The following RBM19 variants were observed in gnomAD, a reference collection of about 807,000 sequenced individuals.
RBM19 encodes RNA binding motif protein 19.
In RBM19, 94 loss-of-function variants were observed where a neutral mutation model predicts 116.8. The ratio of observed to expected loss-of-function variants is 0.80; its 90% confidence interval spans 0.68 to 0.95. The LOEUF is 0.95. RBM19 is among the 40% of genes least tolerant of loss of function. The pLI is 0.00. For missense variants in RBM19, 1,161 were observed against 1,220.7 expected (o/e 0.95, Z 0.73); for synonymous variants, 475 against 494.1 (o/e 0.96, Z 0.51).
At chr12:113,929,034 C>A (rs1869373615) in intron 16 of RBM19, among the ~76,000 whole-genome samples, 1 of 152,136 alleles carries the variant, frequency 6.6e-6, no homozygotes, top group Non-Finnish European at 1.5e-5. Context: ...AGAGTTAAAC[C>A]CTGCACCCCA....
At chr12:113,964,724 T>C (rs555582028) in intron 1 of RBM19, among the ~76,000 whole-genome samples, 1 of 152,238 alleles carries the variant, frequency 6.6e-6, no homozygotes, top group African/African-American at 2.4e-5. Flanking sequence ...AGATAGTCAC[T>C]GGGGCAGGCA....
At chr12:113,872,594 G>A (rs1229409110) in intron 21 of RBM19, among the ~76,000 whole-genome samples, 2 of 104,552 alleles carry the variant, frequency 1.9e-5, no homozygotes, top group Non-Finnish European at 4.2e-5. Flanking sequence ...CCCCCTGCCC[G>A]GCCAGCCGCC....
intron 21 of RBM19, among the ~76,000 whole-genome samples, chr12:113,880,280 C>G (rs1880009074): frequency 6.6e-6 from 1 of 151,244 alleles, no homozygotes; most frequent in Admixed American, 6.6e-5. Context: ...TGCTCTGATA[C>G]CCCCTGAAGT....
intron 21 of RBM19, among the ~76,000 whole-genome samples, chr12:113,872,760 GC>G (rs1285054676): frequency 8.7e-5 from 4 of 45,832 alleles, no homozygotes; most frequent in Admixed American, 1.9e-4. Flanking sequence ...GGGGGGGTCA[GC>G]CCCCCCGCCC....
chr12:113,940,613 G>C (rs73399063), intron 14 of RBM19, among the ~76,000 whole-genome samples: 4,164 of 152,336 alleles, frequency 0.027, 182 homozygotes, highest in African/African-American at 0.094. Context: ...CCTTGGGTGG[G>C]ATGAGACTGA....
At chr12:113,827,915 G>A (rs1167885828) in intron 23 of RBM19, among the ~76,000 whole-genome samples, 3 of 151,962 alleles carry the variant, frequency 2.0e-5, no homozygotes, top group African/African-American at 7.3e-5. Flanking sequence ...GGGTGTGTGA[G>A]GGTATTAAAA....
In RBM19 at chr12:113,945,936, A is replaced by C; in HGVS notation, c.1530-12T>G. 1 of 1,540,256 alleles carries C rather than the reference A, an allele frequency of 6.5e-7. No homozygotes were observed. ...TCCAGTTGTGAGAGCTAAGAGGCAGAGGCAGAACAGGGAGATCAGACCGCA... is the reference window on the plus strand; with the variant it reads ...TCCAGTTGTGAGAGCTAAGAGGCAGCGGCAGAACAGGGAGATCAGACCGCA... On this transcript the variant is annotated splice_polypyrimidine_tract_variant and intron_variant, in intron 12 of 23. Coordinates refer to ENST00000261741, the MANE Select transcript of RBM19 (RefSeq NM_016196.4).
chr12:113,892,005 C>T (rs1382044736), intron 21 of RBM19, among the ~76,000 whole-genome samples: 2 of 152,174 alleles, frequency 1.3e-5, no homozygotes, highest in African/African-American at 4.8e-5. Flanking sequence ...CTGTCTGTGT[C>T]ACCCGTGTCT....
intron 21 of RBM19, among the ~76,000 whole-genome samples, chr12:113,906,243 T>C (rs1467039767): frequency 1.3e-5 from 2 of 152,194 alleles, no homozygotes; most frequent in African/African-American, 2.4e-5. Context: ...GGTAAGTATA[T>C]TGCAACATAT....
Position 113,879,446 on chromosome 12 carries a change from T to TATATAC in RBM19, c.2559-20551_2559-20550insGTATAT, listed in dbSNP as rs893952657. 8.4e-5 allele frequency among the ~76,000 whole-genome samples: 12 copies of TATATAC among 142,332 alleles called. 2 individuals are homozygous for TATATAC. The East Asian group carries it at 3.0e-3, about 36-fold the overall frequency. The allele number at this position is 142,332 out of a possible 152,430, so 93.4% of individuals were successfully genotyped here. On this transcript the variant is annotated intron_variant, in intron 21 of 23. Transcript: ENST00000261741. ...TACATACATTTTATATATATATATA[T>TATATAC]ATATGGACTTTTCTTTTTTTAAGGG...
intron 21 of RBM19, 33 bp from the exon 22 acceptor site, chr12:113,858,929 G>A: frequency 6.2e-7 from 1 of 1,600,418 alleles, no homozygotes; most frequent in Non-Finnish European, 8.6e-7. Flanking sequence ...AGGGGTTTAA[G>A]AATAGAGGCC....
Position 113,924,767 on chromosome 12 carries a change from A to G in RBM19, c.2245-10T>C, listed in dbSNP as rs764649839. The G allele has an allele frequency of 6.5e-7, 1 of 1,536,076 alleles. No individual in the cohort carries two copies. Among genetic ancestry groups the G allele is most frequent in the Non-Finnish European group, 9.0e-7 (1 of 1,109,176 alleles). On this transcript the variant is annotated splice_polypyrimidine_tract_variant and intron_variant, in intron 17 of 23. Coordinates refer to ENST00000261741, the MANE Select transcript of RBM19 (RefSeq NM_016196.4). ...CCACTTTTGAAAACACCTGGATAAG[A>G]AAGTAACAAGTATCATCAGCAGCTC...
intron 21 of RBM19, among the ~76,000 whole-genome samples, chr12:113,880,100 G>C (rs1048133115): frequency 6.6e-6 from 1 of 150,584 alleles, no homozygotes; most frequent in Non-Finnish European, 1.5e-5. Context: ...AATGAAGAAG[G>C]CCCACTTAAG....
intron 20 of RBM19, among the ~76,000 whole-genome samples, chr12:113,916,960 A>C (rs1350522691): frequency 1.3e-5 from 2 of 152,256 alleles, no homozygotes; most frequent in Non-Finnish European, 2.9e-5. Context: ...ATAGATAGCT[A>C]AAACAGTTGC....
chr12:113,929,257 T>C (rs921071489), intron 16 of RBM19, among the ~76,000 whole-genome samples: 1 of 152,244 alleles, frequency 6.6e-6, no homozygotes, highest in African/African-American at 2.4e-5. Flanking sequence ...AGCCTAATGC[T>C]TTCAAGTCCT....
Position 113,948,874 on chromosome 12 carries a change from G to A in RBM19, c.1235C>T (p.Thr412Ile). Residue 412 changes from threonine (T) to isoleucine (I), a missense_variant, in exon 10 of 24, where the codon ACC becomes ATC. By Grantham distance (89) the Thr-to-Ile change is moderately conservative (BLOSUM62 -1). Transcript: ENST00000261741. ...CTTCTCCAGATCCTCCTCGGTGCTG[G>A]TGTAGGGCAGGTTCCGTACAAAGAG... ...GRLFVRNLPYTSTEEDLEKLF... is the reference protein window; with the variant it reads ...GRLFVRNLPYISTEEDLEKLF... 2 of 1,614,214 alleles carry A rather than the reference G, an allele frequency of 1.2e-6. No individual in the cohort carries two copies. Among genetic ancestry groups the A allele is most frequent in the Non-Finnish European group, 1.7e-6 (2 of 1,180,044 alleles).
chr12:113,965,244 C>CG (rs1456740502), intron 1 of RBM19, among the ~76,000 whole-genome samples: 5 of 148,142 alleles, frequency 3.4e-5, no homozygotes, highest in African/African-American at 1.0e-4. Flanking sequence ...ATTGCTCCAC[C>CG]GCAGTCCAGC....
At chr12:113,901,132 A>G (rs1352658396) in intron 21 of RBM19, among the ~76,000 whole-genome samples, 1 of 152,226 alleles carries the variant, frequency 6.6e-6, no homozygotes, top group Non-Finnish European at 1.5e-5. Flanking sequence ...TTTATAGTAC[A>G]AGGTTCATGT....
chr12:113,888,138 C>G (rs369776895), intron 21 of RBM19, among the ~76,000 whole-genome samples: 3 of 152,200 alleles, frequency 2.0e-5, no homozygotes, highest in African/African-American at 7.2e-5. Flanking sequence ...TGGAGAAAGA[C>G]AGCGAGAGAA....
Sources: allele counts gnomAD v4.1 joint callset (sites outside exome capture counted in the v4.1 genomes callset), GRCh38; gene constraint gnomAD v4.1.1; transcripts MANE v1.5; gene names NCBI Gene and HGNC (gene_info 2026-07-23, HGNC 2026-07-21).